The following ALDH3A2 variants were observed in gnomAD, a reference collection of about 807,000 sequenced individuals.
The protein encoded by ALDH3A2 is aldehyde dehydrogenase 3 family member A2, also known as aldehyde dehydrogenase family 3 member A2.
A neutral mutation model predicts 51.3 loss-of-function variants in ALDH3A2; 36 were observed. The ratio of observed to expected loss-of-function variants is 0.70; its 90% CI spans 0.54 to 0.93. The LOEUF (loss-of-function observed/expected upper bound fraction) is 0.93. Among genes scored for constraint, ALDH3A2 ranks in the 40% least tolerant of loss-of-function variants. ALDH3A2 has a pLI of 0.00. For synonymous variants in ALDH3A2, 199 were observed against 219.8 expected (o/e 0.91, Z 0.84); for missense variants, 552 against 603.1 (o/e 0.92, Z 0.89).
intron 9 of ALDH3A2, chr17:19,673,368 GTTTTTGTTTTTA>G (rs1250466058): frequency 6.3e-6 from 9 of 1,438,084 alleles, no homozygotes; most frequent in African/African-American, 1.5e-5. Context: ...TTTTGTTTTT[GTTTTTGTTTTTA>G]TTTTTGTTTT....
intron 3 of ALDH3A2, among the ~76,000 whole-genome samples, chr17:19,655,721 T>G (rs1267664517): frequency 6.6e-6 from 1 of 152,222 alleles, no homozygotes; most frequent in East Asian, 1.9e-4. Context: ...CAAGATGTTC[T>G]CTCTTAGAAT....
At position 19,648,815 on chromosome 17, in the gene ALDH3A2, A is replaced by G. The variant is rs1159464571; in HGVS notation, c.-157A>G. On this transcript the variant is annotated 5_prime_UTR_variant, in exon 1 of 10. Coordinates refer to ENST00000176643, the MANE Select transcript of ALDH3A2 (RefSeq NM_000382.3). Reference sequence around the variant, plus strand: ...CGGGCGTGGAGGTCGCGGCTGAGCGAGCGAGCCCTGGGCGAGTGAATTGTG... The same window carrying G: ...CGGGCGTGGAGGTCGCGGCTGAGCGGGCGAGCCCTGGGCGAGTGAATTGTG... 7 of 1,045,716 alleles carry G rather than the reference A, an allele frequency of 6.7e-6. No homozygotes were observed. Among genetic ancestry groups the G allele is most frequent in the Non-Finnish European group, 8.3e-6 (6 of 725,742 alleles). 64.8% of individuals were successfully genotyped at this position (1,045,716 alleles called of 1,614,324 possible).
chr17:19,665,949 C>T (rs771194195), intron 8 of ALDH3A2, among the ~76,000 whole-genome samples: 80 of 152,206 alleles, frequency 5.3e-4, no homozygotes, highest in Non-Finnish European at 1.1e-3. Context: ...GTTAAGGAAA[C>T]CTTGTCCTAT....
rs2152325575 is a variant in ALDH3A2, at chr17:19,649,044, C to T, written c.73C>T (p.Gln25Ter). The change falls in exon 1 of 10, where the codon CAG (glutamine) becomes TAG (stop). Residue 25 changes from glutamine to a stop codon, truncating the protein, a stop_gained. Coordinates refer to ENST00000176643, the MANE Select transcript of ALDH3A2 (RefSeq NM_000382.3). LOFTEE classifies it high-confidence loss of function. Reference protein sequence around the residue: ...GRSRPLRFRLQQLEALRRMVQ... With the variant: ...GRSRPLRFRL ...GTCGCGACCTCTGCGGTTTCGGCTG[C>T]AGCAGCTGGAGGCCCTGCGGAGGAT... is the stretch of plus-strand genomic sequence containing the variant. The T allele has an allele frequency of 3.2e-6, 5 of 1,583,936 alleles. No individual in the cohort carries two copies. The highest frequency in any genetic ancestry group is 1.2e-5 in the South Asian group (1 of 86,804).
Position 19,651,537 on chromosome 17 carries a change from C to G in ALDH3A2, c.154-10C>G. The G allele has an allele frequency of 6.2e-7, 1 of 1,602,194 alleles. No homozygotes were observed. Among genetic ancestry groups the G allele is most frequent in the Non-Finnish European group, 8.6e-7 (1 of 1,169,288 alleles). On this transcript the variant is annotated splice_polypyrimidine_tract_variant and intron_variant, in intron 1 of 9. Transcript: ENST00000176643. ...ACTCTGCAAGATTAACTGTGATTCT[C>G]TTATAACAGAGTGAATTCAATGTGT...
Position 19,654,126 on chromosome 17 carries a change from G to A in ALDH3A2, c.471+1494G>A, listed in dbSNP as rs982621034. Among the ~76,000 whole-genome samples, 1 of 152,214 alleles carries A rather than the reference G, an allele frequency of 6.6e-6. No homozygotes were observed. Among genetic ancestry groups the A allele is most frequent in the African/African-American group, 2.4e-5 (1 of 41,444 alleles). On this transcript the variant is annotated intron_variant, in intron 3 of 9. Coordinates refer to ENST00000176643, the MANE Select transcript of ALDH3A2 (RefSeq NM_000382.3). This position sits in a 1 kb window ranked among gnomAD's most constrained non-coding sequence, Gnocchi z 4.5. ...CCACCAGATTAGCTAGATACAGAGTGCTGATTGGTGCATCCACAAACCCCA... is the reference window on the plus strand; with the variant it reads ...CCACCAGATTAGCTAGATACAGAGTACTGATTGGTGCATCCACAAACCCCA...
At chr17:19,673,228 G>A (rs372135777) in intron 9 of ALDH3A2, 1 of 1,614,192 alleles carries the variant, frequency 6.2e-7, no homozygotes, top group East Asian at 2.2e-5. Context: ...CCAGTAAGCA[G>A]AGATGAACAC....
intron 1 of ALDH3A2, among the ~76,000 whole-genome samples, 191 bp from the exon 2 acceptor site, chr17:19,651,356 G>T (rs1340202783): frequency 6.6e-6 from 1 of 152,144 alleles, no homozygotes. Context: ...TTTTTTAAAA[G>T]AAATATATTA....
chr17:19,649,085 G>C lies in ALDH3A2; in HGVS notation c.114G>C (p.Glu38Asp). 6.3e-7 allele frequency: 1 copy of C among 1,583,442 alleles called. No individual in the cohort carries two copies. The highest frequency in any genetic ancestry group is 8.6e-7 in the Non-Finnish European group (1 of 1,165,390). The part of the protein sequence containing the change: ...EALRRMVQER[E>D]KDILTAIAAD... ...TGCGGAGGATGGTGCAGGAGCGCGA[G>C]AAGGATATCCTGACGGCCATCGCCG... Residue 38 changes from glutamate to aspartate, a missense_variant, in exon 1 of 10, where the codon GAG becomes GAC. Transcript: ENST00000176643.
intron 4 of ALDH3A2, 49 bp downstream of exon 4, chr17:19,656,623 CTT>C (rs1403099837): frequency 8.0e-6 from 12 of 1,503,404 alleles, no homozygotes; most frequent in African/African-American, 1.4e-5. Context: ...ACAATGGAGA[CTT>C]TTCCTGACAA....
Position 19,648,977 on chromosome 17 carries a change from G to C in ALDH3A2, c.6G>C (p.Glu2Asp). Reference protein sequence around the residue: MELEVRRVRQAF... With the variant: MDLEVRRVRQAF... Reference sequence around the variant, plus strand: ...GTTCTCTGCAGGACCAGGCCATGGAGCTCGAAGTCCGGCGGGTCCGACAGG... The same window carrying C: ...GTTCTCTGCAGGACCAGGCCATGGACCTCGAAGTCCGGCGGGTCCGACAGG... Residue 2 changes from glutamate (E) to aspartate (D), a missense_variant, in exon 1 of 10, where the codon GAG (glutamate) becomes GAC (aspartate). Transcript: ENST00000176643. The C allele has an allele frequency of 6.3e-7, 1 of 1,588,090 alleles. No homozygotes were observed. Among genetic ancestry groups the C allele is most frequent in the Non-Finnish European group, 8.6e-7 (1 of 1,168,194 alleles).
Position 19,663,386 on chromosome 17 carries a change from A to C in ALDH3A2, c.994A>C (p.Ile332Leu). ...TAAAACCAAGGTGATGCAAGAAGAA[A>C]TTTTTGGACCAATTCTTCCAATAGT... is the stretch of plus-strand genomic sequence containing the variant. Reference protein sequence around the residue: ...DPKTKVMQEEIFGPILPIVPV... With the variant: ...DPKTKVMQEELFGPILPIVPV... The change falls in exon 7 of 10, where the codon ATT becomes CTT. Residue 332 changes from isoleucine (I) to leucine (L), a missense_variant. By Grantham distance (5) the Ile-to-Leu change is conservative. Coordinates refer to ENST00000176643, the MANE Select transcript of ALDH3A2 (RefSeq NM_000382.3). The C allele has an allele frequency of 6.2e-7, 1 of 1,614,190 alleles. No individual in the cohort carries two copies. The highest frequency in any genetic ancestry group is 8.5e-7 in the Non-Finnish European group (1 of 1,180,038).
intron 7 of ALDH3A2, among the ~76,000 whole-genome samples, chr17:19,663,762 A>G (rs2084999721): frequency 6.6e-6 from 1 of 152,220 alleles, no homozygotes; most frequent in Non-Finnish European, 1.5e-5. Context: ...TTTTTGATTC[A>G]CAAACATCTC....
chr17:19,658,762 AAAAG>A (rs923500393), intron 5 of ALDH3A2, among the ~76,000 whole-genome samples: 7 of 150,434 alleles, frequency 4.7e-5, no homozygotes, highest in African/African-American at 1.5e-4. Context: ...AAAAAAAAAA[AAAAG>A]AAGAATGGGA....
intron 1 of ALDH3A2, among the ~76,000 whole-genome samples, chr17:19,650,297 A>G (rs2084797455): frequency 6.7e-6 from 1 of 148,562 alleles, no homozygotes; most frequent in Admixed American, 6.7e-5. Flanking sequence ...TTTTTTTTTT[A>G]AACGGACAGG....
Position 19,656,576 on chromosome 17 carries a change from T to G in ALDH3A2, c.680+2T>G. On this transcript the variant is annotated splice_donor_variant, in intron 4 of 9. Coordinates refer to ENST00000176643, the MANE Select transcript of ALDH3A2 (RefSeq NM_000382.3). LOFTEE classifies it high-confidence loss of function. ...TTGTGACCTGGACATTGTTTGCAGGTGAGTCTGGCTCTCTGATTTTCTGAG... is the reference window on the plus strand; with the variant it reads ...TTGTGACCTGGACATTGTTTGCAGGGGAGTCTGGCTCTCTGATTTTCTGAG... 1.9e-6 allele frequency: 3 copies of G among 1,608,026 alleles called. No homozygotes were observed. The highest frequency in any genetic ancestry group is 2.5e-6 in the Non-Finnish European group (3 of 1,176,606).
Position 19,649,062 on chromosome 17 carries a change from C to A in ALDH3A2, c.91C>A (p.Arg31=). ...TCGGCTGCAGCAGCTGGAGGCCCTGCGGAGGATGGTGCAGGAGCGCGAGAA... is the reference window on the plus strand; with the variant it reads ...TCGGCTGCAGCAGCTGGAGGCCCTGAGGAGGATGGTGCAGGAGCGCGAGAA... ...RFRLQQLEAL[R]RMVQEREKDI... Residue 31 remains arginine, a synonymous_variant, in exon 1 of 10, where the codon CGG becomes AGG. Transcript: ENST00000176643. 6.3e-7 allele frequency: 1 copy of A among 1,584,458 alleles called. No homozygotes were observed. Among genetic ancestry groups the A allele is most frequent in the African/African-American group, 1.3e-5 (1 of 74,542 alleles).
intron 8 of ALDH3A2, among the ~76,000 whole-genome samples, chr17:19,665,564 T>C (rs2085026444): frequency 6.6e-6 from 1 of 152,114 alleles, no homozygotes; most frequent in Non-Finnish European, 1.5e-5. Flanking sequence ...TTGAATTGTT[T>C]TGTGATTTGA....
chr17:19,648,664 G>A (rs1388361918), upstream of ALDH3A2: 1 of 458,182 alleles, frequency 2.2e-6, no homozygotes, highest in East Asian at 4.3e-5. Context: ...GCCGGGGAGA[G>A]GGCGGGGGCC....
Sources: allele counts gnomAD v4.1 joint callset (sites outside exome capture counted in the v4.1 genomes callset), GRCh38; gene constraint gnomAD v4.1.1; non-coding constraint Gnocchi (gnomAD v3.1); transcripts MANE v1.5; gene names NCBI Gene and HGNC (gene_info 2026-07-23, HGNC 2026-07-21).